BTNL8: variants seen among roughly 807,000 people sequenced by gnomAD.
The protein encoded by BTNL8 is butyrophilin-like protein 8.
BTNL8 carries 22 observed loss-of-function variants against 36.1 expected under a neutral mutation model. The ratio of observed to expected loss-of-function variants is 0.61; its 90% CI spans 0.44 to 0.87. BTNL8 has a LOEUF of 0.87. BTNL8 is among the 40% of genes least tolerant of loss of function. The probability of loss-of-function intolerance (pLI) is 0.00; values close to 1 mark genes in which losing one functional copy is unlikely to be tolerated. For missense variants in BTNL8, 526 were observed against 616.9 expected (o/e 0.85, Z 1.56); for synonymous variants, 203 against 235.6 (o/e 0.86, Z 1.27).
At chr5:180,901,075 G>A (rs1756805419) in intron 1 of BTNL8, among the ~76,000 whole-genome samples, 1 of 152,110 alleles carries the variant, frequency 6.6e-6, no homozygotes, top group Non-Finnish European at 1.5e-5. Context: ...TGAGGAGCAG[G>A]GCCTCAACAT....
At chr5:180,913,114 T>C (rs1267139320) in intron 3 of BTNL8, among the ~76,000 whole-genome samples, 3 of 152,114 alleles carry the variant, frequency 2.0e-5, no homozygotes, top group African/African-American at 7.2e-5. Flanking sequence ...TGAGGGGGCA[T>C]TGACTGGGAA....
rs775865141 is a variant in BTNL8, at chr5:180,908,684, G to C, written c.148G>C (p.Ala50Pro). The C allele has an allele frequency of 3.9e-5, 63 of 1,614,104 alleles. No individual in the cohort carries two copies. Among genetic ancestry groups the C allele is most frequent in the Non-Finnish European group, 4.7e-5 (56 of 1,180,046 alleles). ...CFLSPKTNAE[A>P]MEVRFFRGQF... ...CCTGTCTCCTAAGACCAATGCAGAG[G>C]CCATGGAAGTGCGGTTCTTCAGGGG... The change falls in exon 2 of 8, where the codon GCC (alanine) becomes CCC (proline). Residue 50 changes from alanine (A) to proline (P), a missense_variant. Ala to Pro is a conservative substitution (Grantham distance 27, BLOSUM62 -1). This residue lies in a region of BTNL8 where 350 missense variants were observed against 324.6 expected (regional missense o/e 1.08). Coordinates refer to ENST00000340184, the MANE Select transcript of BTNL8 (RefSeq NM_001040462.3).
chr5:180,916,073 CT>C (rs2113794745), intron 3 of BTNL8, among the ~76,000 whole-genome samples: 1 of 152,226 alleles, frequency 6.6e-6, no homozygotes, highest in African/African-American at 2.4e-5. Flanking sequence ...CTGTGAGGGC[CT>C]TCTAGTTGTG....
At chr5:180,904,928 C>T (rs1383591276) in intron 1 of BTNL8, among the ~76,000 whole-genome samples, 1 of 151,530 alleles carries the variant, frequency 6.6e-6, no homozygotes, top group Non-Finnish European at 1.5e-5. Flanking sequence ...TTCAGTTTGC[C>T]AGTATTTTAT....
intron 3 of BTNL8, among the ~76,000 whole-genome samples, chr5:180,929,213 A>C (rs529398063): frequency 9.2e-5 from 14 of 152,332 alleles, no homozygotes; most frequent in Non-Finnish European, 1.8e-4. Flanking sequence ...CTGAATGACT[A>C]CTGGGTAAAC....
chr5:180,916,910 G>A (rs1488878837), intron 3 of BTNL8, among the ~76,000 whole-genome samples: 4 of 152,218 alleles, frequency 2.6e-5, no homozygotes, highest in East Asian at 1.9e-4. Context: ...AATTGATCAC[G>A]AGTAACTGAA....
At chr5:180,943,637 T>C (rs1362054108) in intron 3 of BTNL8, among the ~76,000 whole-genome samples, 2 of 152,148 alleles carry the variant, frequency 1.3e-5, no homozygotes, top group Admixed American at 6.5e-5. Flanking sequence ...TTACACACCA[T>C]TGGTGGGATT....
chr5:180,935,584 C>T lies in BTNL8; in HGVS notation c.674-11928C>T, dbSNP rs902240925. Reference sequence around the variant, plus strand: ...GAAGCAGAAGCAGGCACTTCTGAGCCTGCAGGGGCAGAGAGGGTTTCCAGG... The same window carrying T: ...GAAGCAGAAGCAGGCACTTCTGAGCTTGCAGGGGCAGAGAGGGTTTCCAGG... On this transcript the variant is annotated intron_variant, in intron 3 of 7. Coordinates refer to ENST00000340184, the MANE Select transcript of BTNL8 (RefSeq NM_001040462.3). The surrounding 1 kb of genome is among the most constrained non-coding windows in gnomAD (Gnocchi z 4.8). Among the ~76,000 whole-genome samples the T allele has an allele frequency of 2.0e-5, 3 of 152,238 alleles. No homozygotes were observed. The highest frequency in any genetic ancestry group is 1.3e-4 in the Admixed American group (2 of 15,280).
intron 3 of BTNL8, among the ~76,000 whole-genome samples, chr5:180,916,931 G>A (rs1255656653): frequency 5.3e-5 from 8 of 152,232 alleles, no homozygotes; most frequent in East Asian, 1.9e-4. Flanking sequence ...ATCATGAAAA[G>A]TGAAACCAAA....
At chr5:180,905,277 T>G (rs1326317910) in intron 1 of BTNL8, among the ~76,000 whole-genome samples, 2 of 150,738 alleles carry the variant, frequency 1.3e-5, no homozygotes, top group Non-Finnish European at 3.0e-5. Flanking sequence ...GTCGAGGAAT[T>G]TATCCATTTC....
intron 1 of BTNL8, among the ~76,000 whole-genome samples, chr5:180,900,403 A>ATG (rs1186863166): frequency 6.6e-6 from 1 of 152,212 alleles, no homozygotes; most frequent in African/African-American, 2.4e-5. Context: ...GAGCTTGTGC[A>ATG]TGTAGAGTGC....
intron 3 of BTNL8, among the ~76,000 whole-genome samples, chr5:180,915,186 C>A (rs925224070): frequency 2.0e-5 from 3 of 152,312 alleles, no homozygotes; most frequent in Middle Eastern, 3.4e-3. Context: ...CACCTCACAA[C>A]CTGCTGACTA....
intron 3 of BTNL8, among the ~76,000 whole-genome samples, chr5:180,926,604 G>A (rs1290462500): frequency 6.6e-6 from 1 of 152,182 alleles, no homozygotes; most frequent in African/African-American, 2.4e-5. Flanking sequence ...AGAGCAGTCT[G>A]GGGTCAACCC....
At chr5:180,937,532 TA>T (rs909120428) in intron 3 of BTNL8, among the ~76,000 whole-genome samples, 2 of 149,994 alleles carry the variant, frequency 1.3e-5, no homozygotes, top group African/African-American at 4.9e-5. Context: ...ACTAGAAAAA[TA>T]AAAAAAAGAA....
At chr5:180,930,162 T>A (rs1418650500) in intron 3 of BTNL8, among the ~76,000 whole-genome samples, 2 of 152,178 alleles carry the variant, frequency 1.3e-5, no homozygotes, top group Admixed American at 1.3e-4. Flanking sequence ...TGGTTCAACA[T>A]ACGCAAATTA....
At chr5:180,932,977 A>G (rs1490802041) in intron 3 of BTNL8, among the ~76,000 whole-genome samples, 2 of 146,322 alleles carry the variant, frequency 1.4e-5, no homozygotes, top group Non-Finnish European at 3.0e-5. Context: ...TGAGGGGATG[A>G]AAAAGGATAT....
rs887346368 is a variant in BTNL8 at position 180,899,166 on chromosome 5, C to T, written c.-145C>T. ...TCGATGGAGTAGACTCTCAGAACAG[C>T]GCAGTTTGCCCTCCGCTCACGCAGA... On this transcript the variant is annotated 5_prime_UTR_variant, in exon 1 of 8. Transcript: ENST00000340184. 7 of 845,066 alleles carry T rather than the reference C, an allele frequency of 8.3e-6. No homozygotes were observed. Among genetic ancestry groups the T allele is most frequent in the Middle Eastern group, 3.5e-4 (1 of 2,826 alleles). 52.3% of individuals were successfully genotyped at this position (845,066 alleles called of 1,614,324 possible).
At chr5:180,908,285 C>T (rs561916928) in intron 1 of BTNL8, among the ~76,000 whole-genome samples, 9,606 of 152,168 alleles carry the variant, frequency 0.063, 365 homozygotes, top group South Asian at 0.11. Context: ...CAGGTGCGTC[C>T]GTCACCCCTT....
chr5:180,901,730 C>A (rs1756828231), intron 1 of BTNL8, among the ~76,000 whole-genome samples: 1 of 151,910 alleles, frequency 6.6e-6, no homozygotes. Context: ...ATACATGTAC[C>A]AAGAATTTTT....
Sources: allele counts gnomAD v4.1 joint callset (sites outside exome capture counted in the v4.1 genomes callset), GRCh38; gene constraint gnomAD v4.1.1; regional missense constraint gnomAD v4.1.1; non-coding constraint Gnocchi (gnomAD v3.1); transcripts MANE v1.5; gene names NCBI Gene and HGNC (gene_info 2026-07-23, HGNC 2026-07-21).